The following SGCZ variants were observed in gnomAD, a reference collection of about 807,000 sequenced individuals.
SGCZ encodes the protein sarcoglycan zeta.
SGCZ carries 40 observed loss-of-function variants against 41.3 expected under a neutral mutation model. The observed-to-expected ratio is 0.97, with a 90% CI of 0.75 to 1.26. SGCZ has a LOEUF of 1.26. Ranked by LOEUF, SGCZ falls within the 50% of genes most tolerant of loss-of-function variation. SGCZ has a pLI of 0.00. For synonymous variants in SGCZ, 206 were observed against 137.5 expected (o/e 1.50, Z -3.49); for missense variants, 552 against 369.8 (o/e 1.49, Z -4.04).
intron 4 of SGCZ, among the ~76,000 whole-genome samples, chr8:14,201,004 A>C (rs1220286683): frequency 2.6e-5 from 4 of 152,156 alleles, no homozygotes; most frequent in Non-Finnish European, 4.4e-5. Context: ...CATTAAAAGA[A>C]GGTATGCAGA....
At chr8:14,155,073 A>G (rs1022601556) in intron 5 of SGCZ, among the ~76,000 whole-genome samples, 4 of 152,216 alleles carry the variant, frequency 2.6e-5, no homozygotes, top group Non-Finnish European at 5.9e-5. Flanking sequence ...AGAAATAGAT[A>G]ACTAGAAAAC....
At chr8:14,554,029 C>T (rs1341611250) in intron 2 of SGCZ, among the ~76,000 whole-genome samples, 1 of 152,044 alleles carries the variant, frequency 6.6e-6, no homozygotes, top group East Asian at 1.9e-4. Flanking sequence ...GCTGAAGCCA[C>T]AAAATTTTCC....
chr8:14,117,259 G>C (rs1210200263), intron 5 of SGCZ, among the ~76,000 whole-genome samples: 2 of 151,910 alleles, frequency 1.3e-5, no homozygotes, highest in African/African-American at 2.4e-5. Flanking sequence ...TTATAATCCA[G>C]ATATGTGCTT....
At chr8:15,017,687 A>G (rs1803090897) in intron 1 of SGCZ, among the ~76,000 whole-genome samples, 1 of 151,848 alleles carries the variant, frequency 6.6e-6, no homozygotes, top group African/African-American at 2.4e-5. Flanking sequence ...TCATATTTTT[A>G]CAGAGACAGG....
At chr8:14,788,456 G>C (rs765533363) in intron 1 of SGCZ, among the ~76,000 whole-genome samples, 1 of 152,138 alleles carries the variant, frequency 6.6e-6, no homozygotes. Flanking sequence ...AAGATACTTT[G>C]TTAACCGTGA....
chr8:14,205,269 C>G (rs993600658), intron 4 of SGCZ, among the ~76,000 whole-genome samples: 1 of 152,020 alleles, frequency 6.6e-6, no homozygotes, highest in South Asian at 2.1e-4. Context: ...GAAATAGACT[C>G]CCCCTCAACA....
chr8:14,419,221 G>T (rs927553062), intron 2 of SGCZ, among the ~76,000 whole-genome samples: 1 of 151,796 alleles, frequency 6.6e-6, no homozygotes. Context: ...TGAAAGTTAG[G>T]CAAGTTAGCT....
chr8:14,569,178 T>C lies in SGCZ; in HGVS notation c.40-14252A>G, dbSNP rs114045408. On this transcript the variant is annotated intron_variant, in intron 1 of 7. Transcript: ENST00000382080. ...ATCACATTAAATATAATATATAAAA[T>C]TGAGCTATTTAGTCATTATGGTTTC... is the stretch of plus-strand genomic sequence containing the variant. 7.4e-3 allele frequency among the ~76,000 whole-genome samples: 1,120 copies of C among 152,296 alleles called. 16 individuals are homozygous for C. Among genetic ancestry groups the C allele is most frequent in the African/African-American group, 0.025 (1,044 of 41,568 alleles).
intron 1 of SGCZ, among the ~76,000 whole-genome samples, chr8:14,966,589 C>T (rs1271484613): frequency 6.6e-6 from 1 of 151,966 alleles, no homozygotes; most frequent in Non-Finnish European, 1.5e-5. Flanking sequence ...TTACTAATGC[C>T]ATATTTACTA....
intron 4 of SGCZ, among the ~76,000 whole-genome samples, chr8:14,229,650 T>TA (rs10539330): frequency 6.1e-4 from 91 of 150,314 alleles, no homozygotes; most frequent in African/African-American, 2.2e-3. Context: ...TTCTCTAAGT[T>TA]AAAAAAAAAA....
chr8:14,903,692 T>C (rs1030062600), intron 1 of SGCZ, among the ~76,000 whole-genome samples: 8 of 152,068 alleles, frequency 5.3e-5, no homozygotes, highest in African/African-American at 1.7e-4. Context: ...TGGAGACTTA[T>C]GTATTATTTA....
At position 14,390,844 on chromosome 8, in the gene SGCZ, ATTAACT is replaced by A. The variant is rs898104101; in HGVS notation, c.235-66646_235-66641del. ...TTTCTAGAAGATTATAGAGATATTG[ATTAACT>A]TTAAATATTTTAAAAGTATTTTTAA... is the stretch of plus-strand genomic sequence containing the variant. On this transcript the variant is annotated intron_variant, in intron 2 of 7. Transcript: ENST00000382080. Among the ~76,000 whole-genome samples, 6 of 152,080 alleles carry A rather than the reference ATTAACT, an allele frequency of 3.9e-5. No individual in the cohort carries two copies. The South Asian group carries it at 6.2e-4, about 16-fold the overall frequency.
chr8:14,348,665 C>G (rs144112274), intron 2 of SGCZ, among the ~76,000 whole-genome samples: 1 of 152,132 alleles, frequency 6.6e-6, no homozygotes, highest in African/African-American at 2.4e-5. Context: ...TCCCAAGGAA[C>G]GCACATTATA....
intron 1 of SGCZ, among the ~76,000 whole-genome samples, chr8:14,663,673 AC>A (rs1209930022): frequency 6.6e-6 from 1 of 152,186 alleles, no homozygotes; most frequent in Non-Finnish European, 1.5e-5. Context: ...TATTTTTTTC[AC>A]AGGCTTATAG....
intron 1 of SGCZ, among the ~76,000 whole-genome samples, chr8:15,189,177 T>A (rs1800447367): frequency 6.6e-6 from 1 of 152,160 alleles, no homozygotes; most frequent in African/African-American, 2.4e-5. Flanking sequence ...AGTAATAATT[T>A]TATATGATGG....
chr8:14,090,950 C>T (rs986264343), intron 7 of SGCZ, among the ~76,000 whole-genome samples: 1 of 151,938 alleles, frequency 6.6e-6, no homozygotes, highest in Non-Finnish European at 1.5e-5. Flanking sequence ...TTGACAGTCT[C>T]TCAATTTAAT....
At chr8:14,835,144 C>G (rs1319436705) in intron 1 of SGCZ, among the ~76,000 whole-genome samples, 1 of 152,120 alleles carries the variant, frequency 6.6e-6, no homozygotes, top group East Asian at 1.9e-4. Context: ...AAAAATGGGC[C>G]TTTCTTAGAT....
At chr8:15,160,999 T>C (rs1799497315) in intron 1 of SGCZ, among the ~76,000 whole-genome samples, 1 of 152,092 alleles carries the variant, frequency 6.6e-6, no homozygotes, top group Non-Finnish European at 1.5e-5. Context: ...GCATTCCTTT[T>C]CATCTTAAGT....
chr8:14,341,469 C>G (rs1802703141), intron 2 of SGCZ, among the ~76,000 whole-genome samples: 1 of 152,070 alleles, frequency 6.6e-6, no homozygotes, highest in South Asian at 2.1e-4. Flanking sequence ...AATAGCCATC[C>G]TAATGGGTGT....
Sources: gnomAD v4.1 joint callset for allele counts (sites outside exome capture counted in the v4.1 genomes callset) on GRCh38, gnomAD v4.1.1 for gene constraint, MANE v1.5 for transcripts, NCBI Gene and HGNC (gene_info 2026-07-23, HGNC 2026-07-21) for gene names.